Variants in GPR158 observed in about 807,000 individuals in gnomAD.
The protein encoded by GPR158 is metabotropic glycine receptor.
In GPR158, 30 loss-of-function variants were observed where a neutral mutation model predicts 78.2. The observed-to-expected ratio is 0.38, with a 90% CI of 0.29 to 0.52. GPR158 has a LOEUF of 0.52. GPR158 is among the 20% of genes least tolerant of loss of function. The pLI is 0.83. For missense variants in GPR158, 1,463 were observed against 1,523.5 expected, an observed-to-expected ratio of 0.96 and a Z score of 0.66; for synonymous variants, 581 against 591.1, an observed-to-expected ratio of 0.98 and a Z score of 0.25.
At chr10:25,547,950 C>G (rs1328917032) in intron 5 of GPR158, among the ~76,000 whole-genome samples, 2 of 152,132 alleles carry the variant, frequency 1.3e-5, no homozygotes, top group Admixed American at 1.3e-4. Context: ...AACATTCACT[C>G]TATGAAAGTA....
intron 7 of GPR158, among the ~76,000 whole-genome samples, chr10:25,579,387 C>A (rs1249750686): frequency 2.6e-5 from 4 of 152,102 alleles, no homozygotes; most frequent in Admixed American, 2.6e-4. Context: ...GATCTTGACA[C>A]CTAGATTTAG....
In GPR158 at chr10:25,175,380, T is replaced by TCC. The variant is rs55717617; in HGVS notation, c.-34_-33dup. ...TGACGATCCAAATTTAAAAAGTGAT[T>TCC]CCCCCCCCTCCCGTTCCCTCCTCTT... On this transcript the variant is annotated 5_prime_UTR_variant, in exon 1 of 11. Transcript: ENST00000376351. The surrounding 1 kb of genome is among the most constrained non-coding windows in gnomAD (Gnocchi z 6.4). 7.3e-6 allele frequency: 9 copies of TCC among 1,232,628 alleles called. No individual in the cohort carries two copies. In the African/African-American group the frequency reaches 1.2e-4, roughly 17 times the overall value. 76.4% of individuals were successfully genotyped at this position (1,232,628 alleles called of 1,614,324 possible). A position where few individuals can be genotyped will look rare whatever the true frequency, so the allele number is the denominator to read the frequency against.
intron 5 of GPR158, among the ~76,000 whole-genome samples, chr10:25,477,566 A>T (rs74124012): frequency 0.025 from 3,746 of 152,226 alleles, 167 homozygotes; most frequent in African/African-American, 0.085. Flanking sequence ...TCCATGACAG[A>T]CAACAGAAAG....
intron 5 of GPR158, among the ~76,000 whole-genome samples, chr10:25,545,919 A>G (rs1407669646): frequency 6.6e-6 from 1 of 152,184 alleles, no homozygotes; most frequent in Non-Finnish European, 1.5e-5. Flanking sequence ...CTAGGTAGCT[A>G]CATTAAACAA....
intron 2 of GPR158, among the ~76,000 whole-genome samples, chr10:25,280,231 ACACT>A (rs1854249019): frequency 6.6e-6 from 1 of 152,224 alleles, no homozygotes; most frequent in Admixed American, 6.5e-5. Flanking sequence ...TAGATAAAAC[ACACT>A]CAAAGCATAA....
chr10:25,336,164 C>T (rs552492786), intron 2 of GPR158, among the ~76,000 whole-genome samples: 113 of 151,868 alleles, frequency 7.4e-4, no homozygotes, highest in African/African-American at 2.6e-3. Context: ...TTTTATAAAG[C>T]GAATCCTTGT....
chr10:25,244,777 A>T (rs1255419763), intron 2 of GPR158: 2 of 152,078 alleles, frequency 1.3e-5, no homozygotes, highest in Admixed American at 1.3e-4. Flanking sequence ...TCAATGAAGA[A>T]GTTTTGATAC....
intron 2 of GPR158, among the ~76,000 whole-genome samples, chr10:25,278,657 A>G (rs554081160): frequency 1.3e-5 from 2 of 152,020 alleles, no homozygotes; most frequent in South Asian, 4.2e-4. Context: ...AAAATATTAA[A>G]AGTAGACTGA....
intron 4 of GPR158, among the ~76,000 whole-genome samples, chr10:25,442,604 T>C (rs1040545327): frequency 1.3e-5 from 2 of 152,044 alleles, no homozygotes; most frequent in Admixed American, 6.6e-5. Context: ...CTTCCGGATC[T>C]TTCCCTACCA....
intron 2 of GPR158, among the ~76,000 whole-genome samples, chr10:25,333,209 A>AC (rs1855153057): frequency 6.6e-6 from 1 of 152,134 alleles, no homozygotes; most frequent in African/African-American, 2.4e-5. Flanking sequence ...TAACAACAAA[A>AC]CAAGAGGCTT....
At chr10:25,588,371 G>T (rs1266930613) in intron 7 of GPR158, among the ~76,000 whole-genome samples, 1 of 152,146 alleles carries the variant, frequency 6.6e-6, no homozygotes, top group Admixed American at 6.5e-5. Flanking sequence ...CACTGTGCTC[G>T]TCTCTTCTGG....
intron 5 of GPR158, among the ~76,000 whole-genome samples, chr10:25,468,849 G>C (rs1835457610): frequency 6.6e-6 from 1 of 152,206 alleles, no homozygotes; most frequent in Non-Finnish European, 1.5e-5. Flanking sequence ...GAAGCTTACA[G>C]TGTAGAGGAA....
At chr10:25,559,959 A>G (rs983296727) in intron 6 of GPR158, among the ~76,000 whole-genome samples, 2 of 152,256 alleles carry the variant, frequency 1.3e-5, no homozygotes, top group Non-Finnish European at 2.9e-5. Context: ...AGAGTTTTTA[A>G]TATAGTGGTG....
intron 2 of GPR158, among the ~76,000 whole-genome samples, chr10:25,338,564 G>GTATATTATTATATATAATACATAT (rs1855258010): frequency 7.7e-6 from 1 of 130,542 alleles, no homozygotes; most frequent in Non-Finnish European, 1.7e-5. Context: ...AATACGTATT[G>GTATATTATTATATATAATACATAT]TATATTATTA....
chr10:25,516,751 C>T lies in GPR158; in HGVS notation c.1405-34225C>T, dbSNP rs1258012921. Among the ~76,000 whole-genome samples, 4 of 105,840 alleles carry T rather than the reference C, an allele frequency of 3.8e-5. No homozygotes were observed. The South Asian group carries it at 1.5e-3, about 40-fold the overall frequency. 69.4% of individuals were successfully genotyped at this position (105,840 alleles called of 152,430 possible). On this transcript the variant is annotated intron_variant, in intron 5 of 10. Transcript: ENST00000376351. ...CTATATCTCTGTTTTGGTACCAGTA[C>T]CATGCTGTTTTGGTTACTGTAGCCT...
chr10:25,374,178 T>A (rs1834043331), intron 2 of GPR158, among the ~76,000 whole-genome samples: 1 of 151,642 alleles, frequency 6.6e-6, no homozygotes, highest in Admixed American at 6.6e-5. Flanking sequence ...ATTTCTTAGA[T>A]TTATTTGCTT....
At chr10:25,561,561 A>G (rs1836860953) in intron 6 of GPR158, among the ~76,000 whole-genome samples, 1 of 152,210 alleles carries the variant, frequency 6.6e-6, no homozygotes, top group South Asian at 2.1e-4. Context: ...CTATATTTAA[A>G]TCTGTTTCTC....
At chr10:25,551,378 G>A (rs1242799380) in intron 6 of GPR158, among the ~76,000 whole-genome samples, 3 of 152,132 alleles carry the variant, frequency 2.0e-5, no homozygotes, top group East Asian at 1.9e-4. Flanking sequence ...GTTCAGAGCA[G>A]GAAGGAATAC....
At chr10:25,332,371 T>G (rs945390190) in intron 2 of GPR158, among the ~76,000 whole-genome samples, 19 of 152,344 alleles carry the variant, frequency 1.2e-4, no homozygotes, top group Admixed American at 2.0e-4. Flanking sequence ...TCTTTTCCTT[T>G]TTGGTTTGTA....
Sources: allele counts gnomAD v4.1 joint callset (sites outside exome capture counted in the v4.1 genomes callset), GRCh38; gene constraint gnomAD v4.1.1; non-coding constraint Gnocchi (gnomAD v3.1); transcripts MANE v1.5; gene names NCBI Gene and HGNC (gene_info 2026-07-23, HGNC 2026-07-21).